HMCN1: variants seen among roughly 807,000 people sequenced by gnomAD.
HMCN1 encodes hemicentin-1.
Under a neutral mutation model 625.9 loss-of-function variants are expected in HMCN1, and 321 were observed. The ratio of observed to expected loss-of-function variants is 0.51; its 90% confidence interval spans 0.47 to 0.56. The LOEUF is 0.56. Ranked by LOEUF, HMCN1 falls within the 20% of genes least tolerant of loss-of-function variation. HMCN1 has a pLI of 0.00. For missense variants in HMCN1, 6,588 were observed against 6,887.3 expected, an observed-to-expected ratio of 0.96 and a Z score of 1.54; for synonymous variants, 2,425 against 2,417.6, an observed-to-expected ratio of 1.00 and a Z score of -0.09.
chr1:185,909,511 G>A lies in HMCN1; in HGVS notation c.793+3G>A, dbSNP rs752950964. 2.5e-6 allele frequency: 4 copies of A among 1,610,460 alleles called. No individual in the cohort carries two copies. Among genetic ancestry groups the A allele is most frequent in the Non-Finnish European group, 3.4e-6 (4 of 1,176,912 alleles). ...GATTGAAATTCGCAATCCTTTAGGT[G>A]AGATATATCAAACATCACATAATAA... is the stretch of plus-strand genomic sequence containing the variant. On this transcript the variant is annotated splice_donor_region_variant and intron_variant, in intron 5 of 106. Coordinates refer to ENST00000271588, the MANE Select transcript of HMCN1 (RefSeq NM_031935.3).
At chr1:185,941,962 T>A (rs1668101228) in intron 11 of HMCN1, among the ~76,000 whole-genome samples, 1 of 151,736 alleles carries the variant, frequency 6.6e-6, no homozygotes, top group Non-Finnish European at 1.5e-5. Context: ...GGAGGCAAGA[T>A]GGGCAGATTA....
intron 15 of HMCN1, among the ~76,000 whole-genome samples, chr1:185,973,664 A>G (rs764807439): frequency 1.6e-4 from 24 of 151,948 alleles, no homozygotes; most frequent in Admixed American, 1.3e-3. Context: ...CCTTTTTCCT[A>G]TTACTTATTA....
At chr1:185,797,930 C>A (rs1410255852) in intron 1 of HMCN1, among the ~76,000 whole-genome samples, 1 of 102,256 alleles carries the variant, frequency 9.8e-6, no homozygotes, top group African/African-American at 6.8e-5. Flanking sequence ...CCCGCCACTG[C>A]ACTCCAGCCT....
intron 42 of HMCN1, among the ~76,000 whole-genome samples, chr1:186,050,128 G>A (rs1571778756): frequency 6.6e-6 from 1 of 150,450 alleles, no homozygotes; most frequent in African/African-American, 2.4e-5. Context: ...TCCCAATATG[G>A]ACAAGACACT....
chr1:185,963,235 C>T (rs189352786), intron 12 of HMCN1, among the ~76,000 whole-genome samples: 2 of 152,262 alleles, frequency 1.3e-5, no homozygotes, highest in East Asian at 3.9e-4. Context: ...TTCCATTACT[C>T]TGGGTTTGGC....
chr1:186,182,013 T>C (rs1177464958), intron 104 of HMCN1, among the ~76,000 whole-genome samples, 155 bp from the exon 105 acceptor site: 1 of 152,216 alleles, frequency 6.6e-6, no homozygotes, highest in Non-Finnish European at 1.5e-5. Context: ...AAAAGTATCT[T>C]CATAGAAAAT....
At chr1:186,138,312 TAG>T (rs1220515887) in intron 89 of HMCN1, among the ~76,000 whole-genome samples, 2 of 152,136 alleles carry the variant, frequency 1.3e-5, no homozygotes, top group African/African-American at 4.8e-5. Flanking sequence ...AAATGAACCC[TAG>T]AGAGGTTAAA....
intron 11 of HMCN1, among the ~76,000 whole-genome samples, chr1:185,954,818 A>G (rs1370566084): frequency 2.6e-5 from 4 of 152,040 alleles, no homozygotes; most frequent in Admixed American, 2.0e-4. Context: ...CAATATATCA[A>G]TTTTTTAAAA....
Position 185,802,914 on chromosome 1 carries a change from T to C in HMCN1, c.269-43112T>C, listed in dbSNP as rs1052872527. Among the ~76,000 whole-genome samples, 3 of 151,984 alleles carry C rather than the reference T, an allele frequency of 2.0e-5. No homozygotes were observed. In the East Asian group the frequency reaches 5.8e-4, roughly 29 times the overall value. ...GTGTTTTGTTGTTTTGTTTTTGTGT[T>C]TTATAAATTGTAGAAACTTGAAAGC... On this transcript the variant is annotated intron_variant, in intron 1 of 106. Transcript: ENST00000271588.
rs567919610 is a variant in HMCN1, at chr1:186,002,641, G to A, written c.4348+900G>A. Among the ~76,000 whole-genome samples the A allele has an allele frequency of 7.9e-5, 12 of 152,130 alleles. No homozygotes were observed. The South Asian group carries it at 2.5e-3, about 32-fold the overall frequency. On this transcript the variant is annotated intron_variant, in intron 28 of 106. Transcript: ENST00000271588. ...GCTCCCTTGACTGAATTCCATCTGT[G>A]TGCTGATGACTCCCAATTTTTTATC...
chr1:185,735,626 A>C (rs1240287613), intron 1 of HMCN1, among the ~76,000 whole-genome samples: 1 of 152,240 alleles, frequency 6.6e-6, no homozygotes, highest in African/African-American at 2.4e-5. Context: ...AGATAGGTTC[A>C]CAGATGGGTA....
chr1:186,041,161 T>A (rs1656179994), intron 40 of HMCN1, 25 bp downstream of exon 40: 1 of 1,604,650 alleles, frequency 6.2e-7, no homozygotes, highest in African/African-American at 1.3e-5. Context: ...TAATTAATTC[T>A]CTTCTGGTAG....
intron 86 of HMCN1, among the ~76,000 whole-genome samples, chr1:186,134,187 ATATT>A (rs903307277): frequency 6.6e-6 from 1 of 152,204 alleles, no homozygotes; most frequent in Non-Finnish European, 1.5e-5. Context: ...TAAAGTGTTC[ATATT>A]TATTATGTGA....
Position 186,120,100 on chromosome 1 carries a change from A to C in HMCN1, c.12184A>C (p.Asn4062His). Residue 4062 changes from asparagine (N) to histidine (H), a missense_variant, in exon 80 of 107, where the codon AAC becomes CAC. Physicochemically the swap from Asn to His is moderately conservative, Grantham distance 68 (BLOSUM62 1). Transcript: ENST00000271588. ...DAGTYMCVAQ[N>H]PAGTALGKIK... The stretch of plus-strand genomic sequence containing the variant: ...TGGCACTTACATGTGTGTGGCCCAG[A>C]ACCCGGCTGGTACAGCCTTGGGCAA... 6.2e-7 allele frequency: 1 copy of C among 1,614,060 alleles called. No homozygotes were observed. The highest frequency in any genetic ancestry group is 8.5e-7 in the Non-Finnish European group (1 of 1,179,974).
chr1:185,942,331 T>A (rs201755291), intron 11 of HMCN1, among the ~76,000 whole-genome samples: 2 of 152,170 alleles, frequency 1.3e-5, no homozygotes, highest in Admixed American at 6.5e-5. Flanking sequence ...CATGTGAATA[T>A]GTGTATTCAG....
Position 185,953,427 on chromosome 1 carries a change from C to T in HMCN1, c.1829-9091C>T, listed in dbSNP as rs558355856. ...CCAGGGGAAGTCTGCCTTCCCAGTC[C>T]ATGACCGGCACCGGAGTTTTGGGTC... On this transcript the variant is annotated intron_variant, in intron 11 of 106. Transcript: ENST00000271588. Among the ~76,000 whole-genome samples the T allele has an allele frequency of 2.6e-4, 40 of 151,954 alleles. 1 individual carries two copies. Among genetic ancestry groups the T allele is most frequent in the African/African-American group, 9.4e-4 (39 of 41,294 alleles).
At chr1:186,064,403 T>C (rs986867608) in intron 48 of HMCN1, among the ~76,000 whole-genome samples, 2 of 152,174 alleles carry the variant, frequency 1.3e-5, no homozygotes, top group African/African-American at 4.8e-5. Flanking sequence ...TCAATATTCT[T>C]CCATCTATCT....
chr1:185,984,425 T>C, intron 19 of HMCN1, 112 bp downstream of exon 19: 2 of 1,045,298 alleles, frequency 1.9e-6, no homozygotes, highest in South Asian at 2.6e-5. Context: ...CTCTCTTAAT[T>C]GTTATTTCCT....
At chr1:186,160,534 T>C (rs1651386193) in intron 97 of HMCN1, among the ~76,000 whole-genome samples, 1 of 151,888 alleles carries the variant, frequency 6.6e-6, no homozygotes, top group South Asian at 2.1e-4. Context: ...TTTGGATCTT[T>C]CCTGCTTTCT....
Sources: gnomAD v4.1 joint callset for allele counts (sites outside exome capture counted in the v4.1 genomes callset) on GRCh38, gnomAD v4.1.1 for gene constraint, MANE v1.5 for transcripts, NCBI Gene and HGNC (gene_info 2026-07-23, HGNC 2026-07-21) for gene names.